Variants in KRT6A observed in about 807,000 individuals in gnomAD.
KRT6A encodes keratin 6A, also known as keratin, type II cytoskeletal 6A.
In KRT6A, 28 loss-of-function variants were observed where a neutral mutation model predicts 48.6. The observed-to-expected ratio is 0.58, with a 90% confidence interval of 0.43 to 0.79. The LOEUF is 0.79. Ranked by LOEUF, KRT6A falls within the 30% of genes least tolerant of loss-of-function variation. The pLI is 0.00. For synonymous variants in KRT6A, 301 were observed against 294.2 expected (o/e 1.02, Z -0.24); for missense variants, 687 against 724.3 (o/e 0.95, Z 0.59).
chr12:52,490,908 C>T lies in KRT6A; in HGVS notation c.862G>A (p.Ala288Thr), dbSNP rs376480528. 16 of 1,613,990 alleles carry T rather than the reference C, an allele frequency of 9.9e-6. No individual in the cohort carries two copies. The highest frequency in any genetic ancestry group is 1.4e-5 in the Non-Finnish European group (16 of 1,179,898). Residue 288 changes from alanine to threonine, a missense_variant, in exon 4 of 9, where the codon GCA becomes ACA. This residue lies in a region of KRT6A where 566 missense variants were observed against 565.3 expected (regional missense o/e 1.00). Coordinates refer to ENST00000330722, the MANE Select transcript of KRT6A (RefSeq NM_005554.4). ...YMNKVELQAKADTLTDEINFL... is the reference protein window; with the variant it reads ...YMNKVELQAKTDTLTDEINFL... ...TTGATCTCGTCTGTGAGAGTGTCTG[C>T]CTTGGCTTGCAGTTCAACCTTGTTC...
intron 6 of KRT6A, among the ~76,000 whole-genome samples, chr12:52,489,660 C>T (rs1027479671): frequency 3.3e-5 from 5 of 152,192 alleles, no homozygotes; most frequent in African/African-American, 1.2e-4. Flanking sequence ...GATAGTTCTT[C>T]TTGTTCCACT....
rs755953809 is a variant in KRT6A at position 52,489,961 on chromosome 12, G to A, written c.1185C>T (p.Ile395=). Residue 395 remains isoleucine (I), a synonymous_variant, in exon 6 of 9, where the codon ATC becomes ATT. Coordinates refer to ENST00000330722, the MANE Select transcript of KRT6A (RefSeq NM_005554.4). ...ACCATACCTGCTTCTTGACGTGGTC[G>A]ATCTCAGATCTCAGCCTCTGGATCA... ...NRMIQRLRSE[I]DHVKKQCANL... 1.2e-5 allele frequency: 19 copies of A among 1,613,828 alleles called. No individual in the cohort carries two copies. The highest frequency in any genetic ancestry group is 8.3e-5 in the Admixed American group (5 of 59,984).
intron 6 of KRT6A, among the ~76,000 whole-genome samples, chr12:52,489,727 C>T (rs1938222379): frequency 1.3e-5 from 2 of 152,168 alleles, no homozygotes; most frequent in Admixed American, 6.5e-5. Flanking sequence ...GTTTTTGCAG[C>T]TCTGAGCATC....
chr12:52,487,597 C>G lies in KRT6A; in HGVS notation c.*123G>C, dbSNP rs1938167313. 8.0e-7 allele frequency: 1 copy of G among 1,247,168 alleles called. No individual in the cohort carries two copies. Among genetic ancestry groups the G allele is most frequent in the Admixed American group, 2.0e-5 (1 of 50,222 alleles). 77.3% of individuals were successfully genotyped at this position (1,247,168 alleles called of 1,614,324 possible). On this transcript the variant is annotated 3_prime_UTR_variant, in exon 9 of 9. Transcript: ENST00000330722. Reference sequence around the variant, plus strand: ...GAAGTGAGGGCACTAAGCATCCATACCCAGCTCTACCTGGGACAGCAGGGG... The same window carrying G: ...GAAGTGAGGGCACTAAGCATCCATAGCCAGCTCTACCTGGGACAGCAGGGG...
intron 6 of KRT6A, among the ~76,000 whole-genome samples, chr12:52,489,524 T>C (rs192048223): frequency 2.3e-4 from 35 of 152,228 alleles, no homozygotes; most frequent in Non-Finnish European, 7.4e-5. Context: ...CATGATCCAC[T>C]AGCCTCAGCC....
chr12:52,488,033 C>T (rs577020751), intron 8 of KRT6A, 36 bp downstream of exon 8: 13 of 1,613,982 alleles, frequency 8.1e-6, no homozygotes, highest in East Asian at 6.7e-5. Context: ...CAGAAGAGTG[C>T]GAGGGCAGGG....
chr12:52,490,475 T>C (rs1242923505), intron 5 of KRT6A, 94 bp downstream of exon 5: 1 of 1,591,608 alleles, frequency 6.3e-7, no homozygotes, highest in Non-Finnish European at 8.6e-7. Flanking sequence ...GGACCCCAGC[T>C]TCCTGTCAGG....
chr12:52,488,222 A>T, intron 7 of KRT6A, 106 bp downstream of exon 7: 1 of 1,613,124 alleles, frequency 6.2e-7, no homozygotes, highest in Non-Finnish European at 8.5e-7. Flanking sequence ...GTTTTCTCTC[A>T]GGAAGAGCAA....
At chr12:52,491,280 T>C (rs1938257402) in intron 2 of KRT6A, 108 bp from the exon 3 acceptor site, 4 of 1,596,084 alleles carry the variant, frequency 2.5e-6, no homozygotes, top group Non-Finnish European at 3.4e-6. Context: ...TAATTGGGCT[T>C]TCCTGCCACA....
At chr12:52,490,379 C>G (rs1592185104) in intron 5 of KRT6A, 190 bp downstream of exon 5, 1 of 1,062,218 alleles carries the variant, frequency 9.4e-7, no homozygotes, top group Admixed American at 2.1e-5. Context: ...AGCTTTCCTC[C>G]TGCATTGGGT....
intron 8 of KRT6A, 21 bp downstream of exon 8, chr12:52,488,048 A>G: frequency 6.2e-7 from 1 of 1,614,104 alleles, no homozygotes. Context: ...GCAGGGGAGG[A>G]AGGCAAGCAA....
chr12:52,487,955 G>T lies in KRT6A; in HGVS notation c.1460C>A (p.Ser487Tyr). Residue 487 changes from serine (S) to tyrosine (Y), a missense_variant and splice_region_variant, in exon 9 of 9, where the codon TCT becomes TAT. Transcript: ENST00000330722. ...ACTGGAGACGGTGGACTGCACCACA[G>T]CTGTGATGGGGAGGGGACAAGGACA... is the stretch of plus-strand genomic sequence containing the variant. ...NGEGVGQVNISVVQSTVSSGY... is the reference protein window; with the variant it reads ...NGEGVGQVNIYVVQSTVSSGY... The T allele has an allele frequency of 6.2e-7, 1 of 1,614,192 alleles. No individual in the cohort carries two copies. The highest frequency in any genetic ancestry group is 1.1e-5 in the South Asian group (1 of 91,086).
In KRT6A at chr12:52,492,664, G is replaced by T. The variant is rs1358314089; in HGVS notation, c.525C>A (p.Ala175=). The T allele has an allele frequency of 7.4e-6, 12 of 1,613,936 alleles. No individual in the cohort carries two copies. Among genetic ancestry groups the T allele is most frequent in the South Asian group, 1.1e-5 (1 of 91,076 alleles). Residue 175 remains alanine (A), a synonymous_variant, in exon 1 of 9, where the codon GCC becomes GCA. Coordinates refer to ENST00000330722, the MANE Select transcript of KRT6A (RefSeq NM_005554.4). The part of the protein sequence containing the change: ...EQIKTLNNKF[A]SFIDKVRFLE... ...ACTGGCTCACCTTGTCGATGAAGGA[G>T]GCAAACTTGTTGTTGAGGGTCTTGA...
chr12:52,488,023 C>T (rs1472699920), intron 8 of KRT6A, 46 bp downstream of exon 8: 6 of 1,614,136 alleles, frequency 3.7e-6, no homozygotes, highest in Middle Eastern at 3.3e-4. Context: ...TGAGCCCAGT[C>T]AGAAGAGTGC....
At position 52,488,500 on chromosome 12, in the gene KRT6A, T is replaced by C; in HGVS notation, c.1252A>G (p.Met418Val). Residue 418 changes from methionine (M) to valine (V), a missense_variant, in exon 7 of 9, where the codon ATG (methionine) becomes GTG (valine). Coordinates refer to ENST00000330722, the MANE Select transcript of KRT6A (RefSeq NM_005554.4). ...AIADAEQRGE[M>V]ALKDAKNKLE... is the part of the protein sequence containing the mutation. ...TTGTTCTTGGCATCCTTGAGGGCCA[T>C]CTCCCCACGCTGCTCAGCATCAGCA... 6.2e-7 allele frequency: 1 copy of C among 1,614,030 alleles called. No individual in the cohort carries two copies. The highest frequency in any genetic ancestry group is 1.1e-5 in the South Asian group (1 of 91,064).
rs777982391 is a variant in KRT6A at position 52,492,710 on chromosome 12, C to T, written c.479G>A (p.Arg160Gln). ...CTTGATCTGTTCACGCTCCTCAGCC[C>T]GCACCCGCTGGATGGTGGGATCGAT... ...LQIDPTIQRV[R>Q]AEEREQIKTL... is the part of the protein sequence containing the mutation. Residue 160 changes from arginine to glutamine, a missense_variant, in exon 1 of 9, where the codon CGG (arginine) becomes CAG (glutamine). Coordinates refer to ENST00000330722, the MANE Select transcript of KRT6A (RefSeq NM_005554.4). 22 of 1,613,860 alleles carry T rather than the reference C, an allele frequency of 1.4e-5. No homozygotes were observed. Among genetic ancestry groups the T allele is most frequent in the East Asian group, 2.2e-5 (1 of 44,884 alleles).
At chr12:52,490,296 T>G in intron 5 of KRT6A, 1 of 972,072 alleles carries the variant, frequency 1.0e-6, no homozygotes, top group South Asian at 1.6e-5. Flanking sequence ...GTAGAAATGT[T>G]CTGTACCAAT....
Position 52,487,696 on chromosome 12 carries a change from G to T in KRT6A, c.*24C>A, listed in dbSNP as rs376487686. 13 of 1,614,004 alleles carry T rather than the reference G, an allele frequency of 8.1e-6. No individual in the cohort carries two copies. The highest frequency in any genetic ancestry group is 1.1e-5 in the Non-Finnish European group (13 of 1,180,014). Reference sequence around the variant, plus strand: ...GCCAGAGAGGGGCCTGAGGACTGTGGGACCGAGAGCTAGCAGACGCACTTT... The same window carrying T: ...GCCAGAGAGGGGCCTGAGGACTGTGTGACCGAGAGCTAGCAGACGCACTTT... On this transcript the variant is annotated 3_prime_UTR_variant, in exon 9 of 9. Transcript: ENST00000330722.
chr12:52,491,792 T>C, intron 1 of KRT6A, 56 bp from the exon 2 acceptor site: 1 of 1,606,638 alleles, frequency 6.2e-7, no homozygotes, highest in South Asian at 1.1e-5. Context: ...AAAAAGTGTC[T>C]GGTATCCGGT....
Sources: gnomAD v4.1 joint callset for allele counts (sites outside exome capture counted in the v4.1 genomes callset) on GRCh38, gnomAD v4.1.1 for gene constraint, gnomAD v4.1.1 regional missense constraint, MANE v1.5 for transcripts, NCBI Gene and HGNC (gene_info 2026-07-23, HGNC 2026-07-21) for gene names.